Variants in ZNF407 observed in about 807,000 individuals in gnomAD.
ZNF407 encodes zinc finger protein 407.
A neutral mutation model predicts 131.2 loss-of-function variants in ZNF407; 17 were observed. The ratio of observed to expected loss-of-function variants is 0.13; its 90% CI spans 0.09 to 0.19. The LOEUF is 0.19. Ranked by LOEUF, ZNF407 falls within the 10% of genes least tolerant of loss-of-function variation. The probability of loss-of-function intolerance (pLI) is 1.00; values close to 1 mark genes in which losing one functional copy is unlikely to be tolerated. For missense variants in ZNF407, 2,681 were observed against 2,830.6 expected, an observed-to-expected ratio of 0.95 and a Z score of 1.20; for synonymous variants, 1,156 against 1,062.0, an observed-to-expected ratio of 1.09 and a Z score of -1.72.
At chr18:74,990,089 G>A (rs1174636759) in intron 8 of ZNF407, among the ~76,000 whole-genome samples, 2 of 152,132 alleles carry the variant, frequency 1.3e-5, no homozygotes, top group African/African-American at 2.4e-5. Flanking sequence ...AATTATTGGA[G>A]ATTTCTATGA....
At chr18:74,864,569 AATT>A (rs1278288098) in intron 4 of ZNF407, among the ~76,000 whole-genome samples, 1 of 152,168 alleles carries the variant, frequency 6.6e-6, no homozygotes, top group African/African-American at 2.4e-5. Context: ...AATTATGTAA[AATT>A]ATTGAGTTTT....
chr18:74,974,434 G>A (rs1382971822), intron 8 of ZNF407, among the ~76,000 whole-genome samples: 1 of 152,168 alleles, frequency 6.6e-6, no homozygotes, highest in East Asian at 1.9e-4. Flanking sequence ...TTAATTGGCT[G>A]TTTGTTTGAA....
chr18:74,710,971 A>G (rs1282488211), intron 3 of ZNF407, among the ~76,000 whole-genome samples: 1 of 108,196 alleles, frequency 9.2e-6, no homozygotes, highest in Non-Finnish European at 2.1e-5. Flanking sequence ...TGATGAATCA[A>G]TTCACTCTGT....
rs148061808 is a variant in ZNF407, at chr18:75,051,120, T to C, written c.5429-12030T>C. Among the ~76,000 whole-genome samples the C allele has an allele frequency of 4.6e-5, 7 of 152,266 alleles. No homozygotes were observed. The East Asian group carries it at 1.4e-3, about 29-fold the overall frequency. ...TATGGATAATTAAGATTCAGTGTGA[T>C]AGGCTGGAAGTATGTACGACAGGCT... On this transcript the variant is annotated intron_variant, in intron 8 of 8. Coordinates refer to ENST00000299687, the MANE Select transcript of ZNF407 (RefSeq NM_017757.3).
chr18:74,814,325 A>T (rs1287639661), intron 4 of ZNF407, among the ~76,000 whole-genome samples: 1 of 152,058 alleles, frequency 6.6e-6, no homozygotes, highest in Admixed American at 6.6e-5. Context: ...GTAGACACAA[A>T]GTCTCACTAT....
intron 7 of ZNF407, among the ~76,000 whole-genome samples, chr18:74,916,903 C>T (rs986625658): frequency 2.0e-5 from 3 of 152,004 alleles, no homozygotes; most frequent in African/African-American, 7.3e-5. Flanking sequence ...TCAGGCAAAA[C>T]TCTGAAATTT....
At chr18:75,043,535 G>A (rs537413008) in intron 8 of ZNF407, among the ~76,000 whole-genome samples, 40 of 152,130 alleles carry the variant, frequency 2.6e-4, no homozygotes, top group Admixed American at 5.2e-4. Context: ...ATCACTGTCC[G>A]CTTGCTATGG....
At chr18:74,939,313 TTATA>T (rs1972072088) in intron 8 of ZNF407, among the ~76,000 whole-genome samples, 2 of 152,168 alleles carry the variant, frequency 1.3e-5, no homozygotes, top group Admixed American at 1.3e-4. Context: ...AGTGAAGTCT[TTATA>T]TATTGACAGA....
At chr18:74,747,424 T>A (rs543361588) in intron 3 of ZNF407, among the ~76,000 whole-genome samples, 17 of 152,302 alleles carry the variant, frequency 1.1e-4, no homozygotes, top group Admixed American at 1.0e-3. Context: ...ATGACTTGAC[T>A]TGGTTGATTT....
intron 7 of ZNF407, among the ~76,000 whole-genome samples, chr18:74,903,378 A>G (rs960010638): frequency 2.0e-5 from 3 of 152,158 alleles, no homozygotes; most frequent in African/African-American, 7.2e-5. Context: ...TTTCTAGACA[A>G]CGTATTTCAA....
rs1179958339 is a variant in ZNF407, at chr18:74,633,565, C to T, written c.2546C>T (p.Ser849Leu). 5.6e-6 allele frequency: 9 copies of T among 1,614,032 alleles called. No homozygotes were observed. The highest frequency in any genetic ancestry group is 6.8e-6 in the Non-Finnish European group (8 of 1,179,890). Residue 849 changes from serine (S) to leucine (L), a missense_variant, in exon 2 of 9, where the codon TCA becomes TTA. By Grantham distance (145) the Ser-to-Leu change is moderately radical. This residue lies in a region of ZNF407 where 1,789 missense variants were observed against 1,748.7 expected (regional missense o/e 1.02). Coordinates refer to ENST00000299687, the MANE Select transcript of ZNF407 (RefSeq NM_017757.3). Reference protein sequence around the residue: ...PKRGRPKGNISRTCSHCGLLA... With the variant: ...PKRGRPKGNILRTCSHCGLLA... ...AGAGGGAGACCTAAAGGTAACATCT[C>T]ACGGACGTGTTCACACTGTGGCCTT... is the stretch of plus-strand genomic sequence containing the variant.
Position 74,631,031 on chromosome 18 carries a change from T to C in ZNF407, c.12T>C (p.Ser4=), listed in dbSNP as rs1984033587. MMD[S]ENKPENDEDE... is the part of the protein sequence containing the mutation. ...TCAGCACTTTATTAATGATGGATAG[T>C]GAGAATAAACCCGAAAATGATGAGG... Residue 4 remains serine (S), a synonymous_variant, in exon 2 of 9, where the codon AGT becomes AGC. Transcript: ENST00000299687. The C allele has an allele frequency of 1.9e-6, 3 of 1,608,776 alleles. No individual in the cohort carries two copies. The highest frequency in any genetic ancestry group is 2.5e-6 in the Non-Finnish European group (3 of 1,178,050).
At chr18:74,695,240 C>T (rs565960944) in intron 3 of ZNF407, among the ~76,000 whole-genome samples, 1 of 152,254 alleles carries the variant, frequency 6.6e-6, no homozygotes, top group South Asian at 2.1e-4. Flanking sequence ...ATATATGTTG[C>T]TGAAATTAGC....
intron 8 of ZNF407, among the ~76,000 whole-genome samples, chr18:74,926,466 A>G (rs757542859): frequency 3.3e-5 from 5 of 152,198 alleles, no homozygotes; most frequent in Non-Finnish European, 7.3e-5. Context: ...TGAATAATAT[A>G]CTGAAAGAGG....
intron 3 of ZNF407, among the ~76,000 whole-genome samples, chr18:74,688,543 T>G (rs1416064601): frequency 6.6e-6 from 1 of 152,210 alleles, no homozygotes; most frequent in Non-Finnish European, 1.5e-5. Flanking sequence ...TGATGAAATC[T>G]AACTTACCAG....
chr18:74,839,715 T>C (rs889906913), intron 4 of ZNF407, among the ~76,000 whole-genome samples: 1 of 152,186 alleles, frequency 6.6e-6, no homozygotes, highest in Non-Finnish European at 1.5e-5. Context: ...ATACCCACAC[T>C]TTCAGGTACC....
intron 8 of ZNF407, among the ~76,000 whole-genome samples, chr18:74,979,306 A>G (rs1380035530): frequency 1.3e-5 from 2 of 152,180 alleles, no homozygotes; most frequent in African/African-American, 4.8e-5. Context: ...TGGAACAAAC[A>G]TCTACAAGAA....
chr18:74,826,389 T>TA (rs1970410169), intron 4 of ZNF407, among the ~76,000 whole-genome samples: 2 of 152,240 alleles, frequency 1.3e-5, no homozygotes, highest in South Asian at 4.1e-4. Flanking sequence ...AAGTTACATG[T>TA]AATACTCTTC....
chr18:74,904,213 A>AACTT (rs1481245998), intron 7 of ZNF407, among the ~76,000 whole-genome samples: 1 of 152,216 alleles, frequency 6.6e-6, no homozygotes, highest in Non-Finnish European at 1.5e-5. Context: ...TAATTGAGTA[A>AACTT]ACTTACTAAG....
Sources: allele counts gnomAD v4.1 joint callset (sites outside exome capture counted in the v4.1 genomes callset), GRCh38; gene constraint gnomAD v4.1.1; regional missense constraint gnomAD v4.1.1; transcripts MANE v1.5; gene names NCBI Gene and HGNC (gene_info 2026-07-23, HGNC 2026-07-21).